CAPS2: variants seen among roughly 807,000 people sequenced by gnomAD.
The protein encoded by CAPS2 is calcyphosine 2.
Under a neutral mutation model 86.5 loss-of-function variants are expected in CAPS2, and 98 were observed. The ratio of observed to expected loss-of-function variants is 1.13; its 90% CI spans 0.96 to 1.34. The LOEUF (loss-of-function observed/expected upper bound fraction) is 1.34. Ranked by LOEUF, CAPS2 falls within the 40% of genes most tolerant of loss-of-function variation. The pLI is 0.00. For synonymous variants in CAPS2, 210 were observed against 225.1 expected (o/e 0.93, Z 0.60); for missense variants, 729 against 686.8 (o/e 1.06, Z -0.69).
exon 9 of CAPS2, chr12:75,299,893 T>C (rs1462494557): frequency 1.3e-6 from 2 of 1,498,954 alleles, no homozygotes; most frequent in Admixed American, 1.9e-5. Flanking sequence ...TTTCAGTTAA[T>C]GTAGAATGAG....
chr12:75,338,728 T>G (rs2041901976), intron 1 of CAPS2, among the ~76,000 whole-genome samples: 1 of 152,168 alleles, frequency 6.6e-6, no homozygotes. Flanking sequence ...CTATTAGCTA[T>G]TCTTCCTGAA....
exon 16 of CAPS2, chr12:75,282,297 G>T: frequency 6.2e-7 from 1 of 1,607,958 alleles, no homozygotes; most frequent in Non-Finnish European, 8.5e-7. Context: ...ATTTTCTTAT[G>T]TTTATAATAG....
intron 14 of CAPS2, among the ~76,000 whole-genome samples, chr12:75,287,114 T>C (rs1190234896): frequency 6.6e-6 from 1 of 150,504 alleles, no homozygotes; most frequent in Non-Finnish European, 1.5e-5. Flanking sequence ...ATATATATTA[T>C]ATATATATGT....
At chr12:75,331,080 C>T (rs964602324), upstream of CAPS2, among the ~76,000 whole-genome samples, 3 of 152,090 alleles carry the variant, frequency 2.0e-5, no homozygotes, top group East Asian at 1.9e-4. Flanking sequence ...CCACCATGCC[C>T]GGCCTAAATA....
At chr12:75,337,617 A>AT (rs2041825766) in intron 1 of CAPS2, among the ~76,000 whole-genome samples, 1 of 151,724 alleles carries the variant, frequency 6.6e-6, no homozygotes, top group Admixed American at 6.6e-5. Context: ...TTAATGTACA[A>AT]TTTTTTTTAC....
chr12:75,309,293 T>C (rs557814932), intron 7 of CAPS2, among the ~76,000 whole-genome samples: 7 of 152,166 alleles, frequency 4.6e-5, no homozygotes, highest in African/African-American at 1.7e-4. Flanking sequence ...ACTCCAAGAG[T>C]GTAATATTTC....
chr12:75,283,317 G>A (rs2034307186), intron 15 of CAPS2, among the ~76,000 whole-genome samples: 1 of 152,098 alleles, frequency 6.6e-6, no homozygotes. Flanking sequence ...ATCAAGTCTG[G>A]TTATTCATAA....
chr12:75,329,880 C>T (rs1167393301), upstream of CAPS2: 1 of 1,543,936 alleles, frequency 6.5e-7, no homozygotes. Flanking sequence ...ACTGGGATTC[C>T]TGGACAGGAC....
At chr12:75,318,066 T>C (rs2039951080) in intron 5 of CAPS2, 1 of 151,964 alleles carries the variant, frequency 6.6e-6, no homozygotes, top group Non-Finnish European at 1.5e-5. Context: ...TATTTTAGAG[T>C]CCACATATAA....
intron 1 of CAPS2, among the ~76,000 whole-genome samples, chr12:75,384,195 AAT>A (rs1340883841): frequency 3.9e-5 from 6 of 152,196 alleles, no homozygotes; most frequent in Admixed American, 1.3e-4. Flanking sequence ...AAACAAAATT[AAT>A]AGAGAAAATT....
chr12:75,379,115 T>C (rs906071942), intron 1 of CAPS2, among the ~76,000 whole-genome samples: 1 of 152,234 alleles, frequency 6.6e-6, no homozygotes, highest in African/African-American at 2.4e-5. Context: ...ATTACTCCTT[T>C]ACCCCTTTAT....
intron 1 of CAPS2, among the ~76,000 whole-genome samples, chr12:75,346,992 C>T (rs2042495483): frequency 6.6e-6 from 1 of 151,096 alleles, no homozygotes; most frequent in South Asian, 2.1e-4. Flanking sequence ...AGTAATGTTC[C>T]TCACCTCTTT....
At chr12:75,338,669 G>A (rs191764845) in intron 1 of CAPS2, among the ~76,000 whole-genome samples, 1 of 152,128 alleles carries the variant, frequency 6.6e-6, no homozygotes, top group East Asian at 1.9e-4. Context: ...ATATGCCATG[G>A]TGGTTTGCTG....
intron 1 of CAPS2, among the ~76,000 whole-genome samples, chr12:75,385,908 T>C (rs1403221023): frequency 4.6e-5 from 7 of 152,168 alleles, no homozygotes; most frequent in Non-Finnish European, 1.0e-4. Flanking sequence ...ACAAGATCTG[T>C]ATGAGGAACA....
chr12:75,348,633 A>G (rs1315634222), intron 1 of CAPS2, among the ~76,000 whole-genome samples: 2 of 152,208 alleles, frequency 1.3e-5, no homozygotes, highest in Admixed American at 1.3e-4. Context: ...AAAGCAGTTA[A>G]GCATCATACT....
At chr12:75,296,380 C>T (rs900832161) in intron 11 of CAPS2, among the ~76,000 whole-genome samples, 5 of 152,026 alleles carry the variant, frequency 3.3e-5, no homozygotes, top group Non-Finnish European at 7.4e-5. Context: ...CAAGCTCCGC[C>T]TCCTGGGTTC....
chr12:75,353,356 AC>A (rs760484770), intron 1 of CAPS2, among the ~76,000 whole-genome samples: 3 of 152,246 alleles, frequency 2.0e-5, no homozygotes, highest in Non-Finnish European at 4.4e-5. Context: ...ATCAGAGAAT[AC>A]TATAAACACC....
At chr12:75,331,795 C>T (rs956898439), upstream of CAPS2, among the ~76,000 whole-genome samples, 1 of 151,972 alleles carries the variant, frequency 6.6e-6, no homozygotes, top group Non-Finnish European at 1.5e-5. Context: ...GATCTCCTGA[C>T]CTCGTGATCC....
intron 1 of CAPS2, chr12:75,365,139 A>G (rs575985057): frequency 2.0e-5 from 3 of 152,280 alleles, no homozygotes; most frequent in Admixed American, 1.3e-4. Context: ...AGGTGCTTGT[A>G]TAGTTTTAGC....
Sources: allele counts gnomAD v4.1 joint callset (sites outside exome capture counted in the v4.1 genomes callset), GRCh38; gene constraint gnomAD v4.1.1; transcripts MANE v1.5; gene names NCBI Gene and HGNC (gene_info 2026-07-23, HGNC 2026-07-21).